EMC1: variants seen among roughly 807,000 people sequenced by gnomAD.
The protein encoded by EMC1 is ER membrane protein complex subunit 1.
Under a neutral mutation model 128.8 loss-of-function variants are expected in EMC1, and 103 were observed. That is an observed-to-expected ratio of 0.80 (90% CI 0.68 to 0.94). The LOEUF (loss-of-function observed/expected upper bound fraction) is 0.94. EMC1 is among the 40% of genes least tolerant of loss of function. The pLI is 0.00. For missense variants in EMC1, 1,083 were observed against 1,250.6 expected (o/e 0.87, Z 2.02); for synonymous variants, 442 against 490.4 (o/e 0.90, Z 1.30).
rs1404208250 is a variant in EMC1 at position 19,216,392 on chromosome 1, TTGAG to T, written c.*2907_*2910del. ...AAGTCTCTAACACTTAAATTAGGAATTGAGTATTTTTTCTATCAGACTTTGTTCC... is the reference window on the plus strand; with the variant it reads ...AAGTCTCTAACACTTAAATTAGGAATTATTTTTTCTATCAGACTTTGTTCC... On this transcript the variant is annotated 3_prime_UTR_variant, in exon 23 of 23. Transcript: ENST00000477853. 2 of 152,184 alleles carry T rather than the reference TTGAG, an allele frequency of 1.3e-5. No individual in the cohort carries two copies. Among genetic ancestry groups the T allele is most frequent in the Admixed American group, 6.5e-5 (1 of 15,276 alleles). The allele number at this position is 152,184 out of a possible 1,614,324, so 9.4% of individuals were successfully genotyped here. A position where few individuals can be genotyped will look rare whatever the true frequency, so the allele number is the denominator to read the frequency against.
intron 1 of EMC1, among the ~76,000 whole-genome samples, chr1:19,246,848 G>C (rs2093634128): frequency 6.6e-6 from 1 of 152,142 alleles, no homozygotes; most frequent in South Asian, 2.1e-4. Flanking sequence ...GGATTGAATT[G>C]TATCCTCAAA....
intron 6 of EMC1, 132 bp downstream of exon 6, chr1:19,240,884 A>G: frequency 9.8e-7 from 1 of 1,024,824 alleles, no homozygotes; most frequent in Non-Finnish European, 1.4e-6. Flanking sequence ...GCAGCTGGCA[A>G]GTGACCAGAA....
At position 19,240,328 on chromosome 1, in the gene EMC1, G is replaced by A. The variant is rs558157154; in HGVS notation, c.755C>T (p.Thr252Met). The change falls in exon 7 of 23, where the codon ACG becomes ATG. Residue 252 changes from threonine to methionine, a missense_variant. Physicochemically the swap from Thr to Met is moderately conservative, Grantham distance 81 (BLOSUM62 -1). Transcript: ENST00000477853. ...SRSLQTLALE[T>M]EWELRQIPLQ... ...TGGGATCTGTCTCAACTCCCATTCC[G>A]TCTCCAGAGCCAAAGTTTGGAGGGA... is the stretch of plus-strand genomic sequence containing the variant. The A allele has an allele frequency of 4.8e-5, 77 of 1,614,152 alleles. No individual in the cohort carries two copies. Among genetic ancestry groups the A allele is most frequent in the African/African-American group, 1.3e-4 (10 of 75,046 alleles).
chr1:19,234,758 G>C (rs2151951749), intron 13 of EMC1, among the ~76,000 whole-genome samples: 1 of 151,962 alleles, frequency 6.6e-6, no homozygotes, highest in African/African-American at 2.4e-5. Context: ...AGGCAGGAGA[G>C]CTGCTTGAAC....
chr1:19,230,077 T>C (rs1391838516), intron 17 of EMC1, among the ~76,000 whole-genome samples: 2 of 152,180 alleles, frequency 1.3e-5, no homozygotes, highest in African/African-American at 4.8e-5. Flanking sequence ...CCAGCGTGTA[T>C]TACTGTTTAC....
rs765551470 is a variant in EMC1, at chr1:19,242,356, AT to A, written c.497del (p.His166LeufsTer32). The A allele has an allele frequency of 1.2e-6, 2 of 1,614,144 alleles. No individual in the cohort carries two copies. Among genetic ancestry groups the A allele is most frequent in the South Asian group, 2.2e-5 (2 of 91,084 alleles). Reference protein sequence around the residue: ...LSSGHLKWVEHLPESDSIHYQ... With the variant: ...LSSGHLKWVEXLPESDSIHYQ... ...GCAGGCAGCCTTACCTTTCTGGGAG[AT>A]GTTCCACCCACTTGAGGTGCCCACT... On this transcript the variant is annotated frameshift_variant, in exon 5 of 23. Coordinates refer to ENST00000477853, the MANE Select transcript of EMC1 (RefSeq NM_015047.3). LOFTEE classifies it high-confidence loss of function.
chr1:19,222,838 C>T lies in EMC1; in HGVS notation c.2377-4G>A. On this transcript the variant is annotated splice_region_variant and splice_polypyrimidine_tract_variant and intron_variant, in intron 19 of 22. Coordinates refer to ENST00000477853, the MANE Select transcript of EMC1 (RefSeq NM_015047.3). ...CCTTGGTGTTCCAGTACTGGTACTGCAGGGATAGGAGGTGGCAGCTCAGGG... is the reference window on the plus strand; with the variant it reads ...CCTTGGTGTTCCAGTACTGGTACTGTAGGGATAGGAGGTGGCAGCTCAGGG... 6.2e-7 allele frequency: 1 copy of T among 1,600,152 alleles called. No individual in the cohort carries two copies. Among genetic ancestry groups the T allele is most frequent in the Non-Finnish European group, 8.5e-7 (1 of 1,170,516 alleles).
chr1:19,241,064 A>G lies in EMC1; in HGVS notation c.588T>C (p.His196=). The change falls in exon 6 of 23, where the codon CAT becomes CAC. Residue 196 remains histidine, a synonymous_variant. Transcript: ENST00000477853. ...VWALGVVPFS[H]VNIVKFNVED... is the part of the protein sequence containing the mutation. The stretch of plus-strand genomic sequence containing the variant: ...CCACATTAAACTTGACAATGTTCAC[A>G]TGGCTGAAGGGAACAACTCCGAGGG... 6.2e-7 allele frequency: 1 copy of G among 1,614,138 alleles called. No homozygotes were observed. Among genetic ancestry groups the G allele is most frequent in the Non-Finnish European group, 8.5e-7 (1 of 1,179,996 alleles).
chr1:19,238,162 T>A (rs752838789), intron 10 of EMC1, 23 bp from the exon 11 acceptor site: 2 of 1,611,486 alleles, frequency 1.2e-6, no homozygotes, highest in South Asian at 2.2e-5. Flanking sequence ...ACAGCACGTG[T>A]CAACTACAGG....
Position 19,230,944 on chromosome 1 carries a change from G to C in EMC1, c.1964C>G (p.Thr655Ser). The C allele has an allele frequency of 6.2e-7, 1 of 1,614,198 alleles. No homozygotes were observed. Reference protein sequence around the residue: ...DEYKVTAFPATRNVLRQLHEL... With the variant: ...DEYKVTAFPASRNVLRQLHEL... ...ATGTAGCTGTCGCAAGACATTCCGA[G>C]TGGCTGGAAAAGCTGTGACCTTGAA... Residue 655 changes from threonine (T) to serine (S), a missense_variant, in exon 17 of 23, where the codon ACT becomes AGT. By Grantham distance (58) the Thr-to-Ser change is moderately conservative (BLOSUM62 1). Transcript: ENST00000477853.
chr1:19,216,167 T>G lies in EMC1; in HGVS notation c.*3136A>C. 6.7e-6 allele frequency: 1 copy of G among 148,288 alleles called. No individual in the cohort carries two copies. The highest frequency in any genetic ancestry group is 1.5e-5 in the Non-Finnish European group (1 of 67,782). 9.2% of individuals were successfully genotyped at this position (148,288 alleles called of 1,614,324 possible). A position where few individuals can be genotyped will look rare whatever the true frequency, so the allele number is the denominator to read the frequency against. Reference sequence around the variant, plus strand: ...AGGGAGGATCACTTCAGCCCAGGTGTTCGAGGCTGCAGTGAGCTATGACTG... The same window carrying G: ...AGGGAGGATCACTTCAGCCCAGGTGGTCGAGGCTGCAGTGAGCTATGACTG... On this transcript the variant is annotated 3_prime_UTR_variant, in exon 23 of 23. Transcript: ENST00000477853.
At chr1:19,238,198 A>C (rs2151956052) in intron 10 of EMC1, 59 bp from the exon 11 acceptor site, 1 of 1,586,302 alleles carries the variant, frequency 6.3e-7, no homozygotes, top group East Asian at 2.3e-5. Flanking sequence ...AAGCCCACCA[A>C]AGGAAGTCCA....
intron 21 of EMC1, 167 bp from the exon 22 acceptor site, chr1:19,219,865 A>G (rs2093418071): frequency 3.1e-6 from 2 of 643,578 alleles, no homozygotes; most frequent in Non-Finnish European, 5.3e-6. Context: ...AATGTTAGGA[A>G]GGACTACAAG....
rs2093584832 is a variant in EMC1, at chr1:19,238,744, G to A, written c.1089+51C>T. On this transcript the variant is annotated intron_variant, in intron 10 of 22. Coordinates refer to ENST00000477853, the MANE Select transcript of EMC1 (RefSeq NM_015047.3). ...AAAGCTCTTCCCCCAACTCTCTTTG[G>A]TGGCCTCCTGCGTCTCTAGGTCTGG... The A allele has an allele frequency of 3.9e-6, 5 of 1,273,366 alleles. No homozygotes were observed. The African/African-American group carries it at 6.0e-5, about 15-fold the overall frequency. 78.9% of individuals were successfully genotyped at this position (1,273,366 alleles called of 1,614,324 possible). A position where few individuals can be genotyped will look rare whatever the true frequency, so the allele number is the denominator to read the frequency against.
Position 19,219,402 on chromosome 1 carries a change from G to A in EMC1, c.2883C>T (p.Asp961=), listed in dbSNP as rs765343007. The change falls in exon 23 of 23, where the codon GAC becomes GAT. Residue 961 remains aspartate, a synonymous_variant. Transcript: ENST00000477853. ...AGAGGACGCTGCTGATTAACACGTAGTCATAGTCATCCTTCAGAACGTCAA... is the reference window on the plus strand; with the variant it reads ...AGAGGACGCTGCTGATTAACACGTAATCATAGTCATCCTTCAGAACGTCAA... ...KQFDVLKDDY[D]YVLISSVLFG... 3 of 1,614,022 alleles carry A rather than the reference G, an allele frequency of 1.9e-6. No individual in the cohort carries two copies. The highest frequency in any genetic ancestry group is 1.1e-5 in the South Asian group (1 of 91,088).
intron 18 of EMC1, among the ~76,000 whole-genome samples, chr1:19,226,091 G>A (rs879388828): frequency 9.2e-5 from 14 of 152,100 alleles, no homozygotes; most frequent in African/African-American, 2.4e-4. Context: ...GTCAAGTTCC[G>A]TGATCTCTAT....
chr1:19,237,811 G>A (rs1296198688), intron 11 of EMC1, among the ~76,000 whole-genome samples: 2 of 152,220 alleles, frequency 1.3e-5, no homozygotes, highest in East Asian at 3.8e-4. Context: ...TAAAAGCTTA[G>A]AACAGTCCCT....
chr1:19,237,316 G>T, intron 11 of EMC1, 78 bp from the exon 12 acceptor site: 1 of 987,654 alleles, frequency 1.0e-6, no homozygotes, highest in South Asian at 1.3e-5. Flanking sequence ...AGGAGTCAAA[G>T]CCTGGACTTA....
Position 19,222,737 on chromosome 1 carries a change from A to G in EMC1, c.2474T>C (p.Leu825Pro). 1 of 1,614,196 alleles carries G rather than the reference A, an allele frequency of 6.2e-7. No homozygotes were observed. The highest frequency in any genetic ancestry group is 8.5e-7 in the Non-Finnish European group (1 of 1,180,020). The change falls in exon 20 of 23, where the codon CTG becomes CCG. Residue 825 changes from leucine to proline, a missense_variant. Around this residue, in one of 3 missense-constraint regions of EMC1, gnomAD observed 527 missense variants for 644.1 expected, o/e 0.82. Transcript: ENST00000477853. ...GACCTGGGGCAGCTGGGGGCGGTCC[A>G]GGGAGCTGAAGGCGGTGGCGTTGTA... ...EQYNATAFSS[L>P]DRPQLPQVLQ... is the part of the protein sequence containing the mutation.
Sources: allele counts gnomAD v4.1 joint callset (sites outside exome capture counted in the v4.1 genomes callset), GRCh38; gene constraint gnomAD v4.1.1; regional missense constraint gnomAD v4.1.1; transcripts MANE v1.5; gene names NCBI Gene and HGNC (gene_info 2026-07-23, HGNC 2026-07-21).